LSAMP: variants seen among roughly 807,000 people sequenced by gnomAD.
LSAMP encodes the protein limbic system associated membrane protein, also known as limbic system-associated membrane protein.
Under a neutral mutation model 38.6 loss-of-function variants are expected in LSAMP, and 7 were observed. The ratio of observed to expected loss-of-function variants is 0.18; its 90% CI spans 0.10 to 0.34. The LOEUF (loss-of-function observed/expected upper bound fraction) is 0.34. Ranked by LOEUF, LSAMP falls within the 10% of genes least tolerant of loss-of-function variation. The pLI, the probability that LSAMP is intolerant of heterozygous loss-of-function variation, is 1.00. For missense variants in LSAMP, 313 were observed against 420.0 expected, an observed-to-expected ratio of 0.75 and a Z score of 2.23; for synonymous variants, 154 against 166.8, an observed-to-expected ratio of 0.92 and a Z score of 0.59.
intron 3 of LSAMP, among the ~76,000 whole-genome samples, chr3:115,917,452 T>C (rs1937276223): frequency 6.6e-6 from 1 of 152,212 alleles, no homozygotes; most frequent in Admixed American, 6.5e-5. Context: ...GGTAGCTCCA[T>C]TACCACCCCT....
At chr3:116,117,211 ACT>A (rs1208120394) in intron 1 of LSAMP, among the ~76,000 whole-genome samples, 1 of 151,812 alleles carries the variant, frequency 6.6e-6, no homozygotes, top group African/African-American at 2.4e-5. Flanking sequence ...ATGATTGGAA[ACT>A]CTGAGTGTGT....
intron 1 of LSAMP, among the ~76,000 whole-genome samples, chr3:116,167,071 G>A (rs570035162): frequency 3.3e-5 from 5 of 152,150 alleles, no homozygotes; most frequent in South Asian, 2.1e-4. Context: ...GATTACAGGC[G>A]TGAGCCGCTG....
intron 3 of LSAMP, among the ~76,000 whole-genome samples, chr3:115,992,491 G>T (rs1224614004): frequency 6.6e-6 from 1 of 152,016 alleles, no homozygotes; most frequent in African/African-American, 2.4e-5. Context: ...TATTATCGGG[G>T]TTAAACCAGC....
intron 3 of LSAMP, among the ~76,000 whole-genome samples, chr3:115,938,420 A>G (rs1407630422): frequency 6.6e-6 from 1 of 152,166 alleles, no homozygotes; most frequent in Admixed American, 6.6e-5. Flanking sequence ...TTCTTTCTAT[A>G]ATGAGTTCCT....
At chr3:115,962,110 C>T (rs1938646046) in intron 3 of LSAMP, among the ~76,000 whole-genome samples, 1 of 152,154 alleles carries the variant, frequency 6.6e-6, no homozygotes, top group South Asian at 2.1e-4. Flanking sequence ...AGTAAAGAGA[C>T]CTTAATGATC....
At chr3:116,212,898 A>G (rs774476263) in intron 1 of LSAMP, among the ~76,000 whole-genome samples, 1 of 152,208 alleles carries the variant, frequency 6.6e-6, no homozygotes, top group Non-Finnish European at 1.5e-5. Context: ...ACAAAGTTAT[A>G]CTATTTTACT....
intron 1 of LSAMP, among the ~76,000 whole-genome samples, chr3:116,170,564 C>T (rs1710171990): frequency 1.3e-5 from 2 of 152,072 alleles, no homozygotes; most frequent in Admixed American, 1.3e-4. Context: ...AGCATACCAG[C>T]CTCTGACATT....
chr3:115,973,967 A>G (rs79705549), intron 3 of LSAMP, among the ~76,000 whole-genome samples: 2,659 of 152,310 alleles, frequency 0.017, 46 homozygotes, highest in African/African-American at 0.048. Context: ...TTGTAAAATA[A>G]CAATGAGGTC....
chr3:116,230,639 T>C (rs955275700), intron 1 of LSAMP, among the ~76,000 whole-genome samples: 1 of 152,132 alleles, frequency 6.6e-6, no homozygotes, highest in African/African-American at 2.4e-5. Context: ...AATGTTACCA[T>C]AGAAAGGTCT....
intron 1 of LSAMP, among the ~76,000 whole-genome samples, chr3:116,309,533 C>G (rs12494652): frequency 0.72 from 109,335 of 152,048 alleles, 41,796 homozygotes; most frequent in East Asian, 0.91. Flanking sequence ...GAGGAAGTGA[C>G]TTTCTAACCA....
chr3:116,272,959 T>C (rs1329328917), intron 1 of LSAMP, among the ~76,000 whole-genome samples: 1 of 152,118 alleles, frequency 6.6e-6, no homozygotes, highest in Non-Finnish European at 1.5e-5. Flanking sequence ...ATTTCTGGGG[T>C]TTATGACATG....
At chr3:116,312,886 A>G (rs975700893) in intron 1 of LSAMP, among the ~76,000 whole-genome samples, 2 of 152,164 alleles carry the variant, frequency 1.3e-5, no homozygotes, top group Non-Finnish European at 2.9e-5. Context: ...CTGTAGACAC[A>G]TATCTTACTC....
intron 6 of LSAMP, among the ~76,000 whole-genome samples, chr3:115,837,118 T>C (rs569650715): frequency 4.7e-4 from 71 of 152,212 alleles, no homozygotes; most frequent in Non-Finnish European, 8.5e-4. Flanking sequence ...GATAATAAAA[T>C]GCTTTTTAAA....
intron 1 of LSAMP, among the ~76,000 whole-genome samples, chr3:116,382,628 T>A (rs919397807): frequency 1.3e-5 from 2 of 152,010 alleles, no homozygotes; most frequent in African/African-American, 4.8e-5. Context: ...CTTGTGCACA[T>A]GTACCCTAGA....
At chr3:116,019,710 A>G in intron 2 of LSAMP, 70 bp from the exon 3 acceptor site, 2 of 1,538,616 alleles carry the variant, frequency 1.3e-6, no homozygotes, top group Non-Finnish European at 1.8e-6. Context: ...ATACAACTGG[A>G]AGTGGCAAAT....
At chr3:116,219,402 G>A (rs1479811229) in intron 1 of LSAMP, among the ~76,000 whole-genome samples, 1 of 152,194 alleles carries the variant, frequency 6.6e-6, no homozygotes, top group Non-Finnish European at 1.5e-5. Context: ...GAATAGTGCT[G>A]CAATGAACAT....
At position 116,040,046 on chromosome 3, in the gene LSAMP, A is replaced by G. The variant is rs188014943; in HGVS notation, c.389-20406T>C. Among the ~76,000 whole-genome samples, 76 of 152,258 alleles carry G rather than the reference A, an allele frequency of 5.0e-4. 1 individual carries two copies. Among genetic ancestry groups the G allele is most frequent in the African/African-American group, 1.7e-3 (70 of 41,550 alleles). On this transcript the variant is annotated intron_variant, in intron 2 of 6. Transcript: ENST00000490035. ...TTCTACTTACTGGGAGTGGAATTAAACAGAAGGCAATGGAAAGCTCGCTGA... is the reference window on the plus strand; with the variant it reads ...TTCTACTTACTGGGAGTGGAATTAAGCAGAAGGCAATGGAAAGCTCGCTGA...
intron 3 of LSAMP, among the ~76,000 whole-genome samples, chr3:115,947,278 C>T (rs746894278): frequency 1.3e-4 from 20 of 152,112 alleles, no homozygotes; most frequent in Non-Finnish European, 2.1e-4. Context: ...TAATATTATA[C>T]TGAAACTCTC....
At chr3:115,994,124 C>G (rs1458459298) in intron 3 of LSAMP, among the ~76,000 whole-genome samples, 1 of 152,078 alleles carries the variant, frequency 6.6e-6, no homozygotes, top group African/African-American at 2.4e-5. Context: ...GCACTGACAA[C>G]AGCAATGAAG....
Sources: allele counts gnomAD v4.1 joint callset (sites outside exome capture counted in the v4.1 genomes callset), GRCh38; gene constraint gnomAD v4.1.1; transcripts MANE v1.5; gene names NCBI Gene and HGNC (gene_info 2026-07-23, HGNC 2026-07-21).